COL5A2: variants seen among roughly 807,000 people sequenced by gnomAD.
COL5A2 encodes the protein collagen type V alpha 2 chain.
Under a neutral mutation model 208.2 loss-of-function variants are expected in COL5A2, and 23 were observed. That is an observed-to-expected ratio of 0.11 (90% CI 0.08 to 0.16). COL5A2 has a LOEUF of 0.16. Among genes scored for constraint, COL5A2 ranks in the 10% least tolerant of loss-of-function variants. COL5A2 has a pLI of 1.00. For synonymous variants in COL5A2, 625 were observed against 628.5 expected, an observed-to-expected ratio of 0.99 and a Z score of 0.08; for missense variants, 1,590 against 1,956.4, an observed-to-expected ratio of 0.81 and a Z score of 3.53.
chr2:189,073,021 T>C (rs1686311748), intron 17 of COL5A2, among the ~76,000 whole-genome samples: 1 of 152,150 alleles, frequency 6.6e-6, no homozygotes, highest in Non-Finnish European at 1.5e-5. Context: ...ACATATTTTT[T>C]CATCCTATGT....
At chr2:189,067,068 T>C (rs11685847) in intron 21 of COL5A2, among the ~76,000 whole-genome samples, 1 of 152,194 alleles carries the variant, frequency 6.6e-6, no homozygotes, top group Non-Finnish European at 1.5e-5. Context: ...AATAGAATTA[T>C]TGAGTTATTA....
rs1346166385 is a variant in COL5A2, at chr2:189,063,180, C to G, written c.1861G>C (p.Gly621Arg). Residue 621 changes from glycine (G) to arginine (R), a missense_variant, in exon 27 of 54, where the codon GGT becomes CGT. Physicochemically the swap from Gly to Arg is moderately radical, Grantham distance 125 (BLOSUM62 -2). Transcript: ENST00000374866. ...PGSMGLPGPK[G>R]SSGDPGKPGE... Reference sequence around the variant, plus strand: ...TTATACACTGTACTCACACTGCTACCTTTGGGGCCTGGAAGGCCCATGCTC... The same window carrying G: ...TTATACACTGTACTCACACTGCTACGTTTGGGGCCTGGAAGGCCCATGCTC... The G allele has an allele frequency of 6.2e-7, 1 of 1,613,988 alleles. No individual in the cohort carries two copies. Among genetic ancestry groups the G allele is most frequent in the Non-Finnish European group, 8.5e-7 (1 of 1,179,990 alleles).
chr2:189,361,786 T>A, the COL5A2 span, among the ~76,000 whole-genome samples: 1 of 152,062 alleles, frequency 6.6e-6, no homozygotes, highest in East Asian at 1.9e-4. Flanking sequence ...TTATAGGTAT[T>A]TGCTTCGTGG....
chr2:189,298,419 C>A, the COL5A2 span, among the ~76,000 whole-genome samples: 26 of 152,162 alleles, frequency 1.7e-4, no homozygotes, highest in African/African-American at 6.3e-4. Flanking sequence ...CCAATTCCAT[C>A]TCCCTCCCAT....
chr2:189,122,495 G>A (rs910868133), intron 1 of COL5A2, among the ~76,000 whole-genome samples: 15 of 152,160 alleles, frequency 9.9e-5, no homozygotes, highest in African/African-American at 3.4e-4. Flanking sequence ...CTTGGTACAT[G>A]TGATACCTCT....
chr2:189,077,973 C>A (rs1686447936), intron 16 of COL5A2, among the ~76,000 whole-genome samples: 1 of 152,156 alleles, frequency 6.6e-6, no homozygotes, highest in South Asian at 2.1e-4. Context: ...TAGAATATGC[C>A]TCCTATACAG....
chr2:189,172,032 C>G (rs189536593), intron 1 of COL5A2, among the ~76,000 whole-genome samples: 4 of 152,114 alleles, frequency 2.6e-5, no homozygotes, highest in Non-Finnish European at 5.9e-5. Flanking sequence ...GAAAAGGGAC[C>G]CTTGGAATAT....
the COL5A2 span, among the ~76,000 whole-genome samples, chr2:189,440,863 G>C: frequency 6.6e-6 from 1 of 152,160 alleles, no homozygotes; most frequent in Non-Finnish European, 1.5e-5. Flanking sequence ...TGAACGCTGC[G>C]GAAGATGCAC....
chr2:189,041,168 A>T (rs1158426232), intron 50 of COL5A2, among the ~76,000 whole-genome samples: 7 of 152,202 alleles, frequency 4.6e-5, no homozygotes. Context: ...TTTTAATCAA[A>T]GTCCTCCCTG....
chr2:189,343,646 G>A, the COL5A2 span, among the ~76,000 whole-genome samples: 2 of 152,076 alleles, frequency 1.3e-5, no homozygotes, highest in Non-Finnish European at 2.9e-5. Flanking sequence ...ATTAGACAAA[G>A]CTAGTGGTTA....
At chr2:189,219,521 G>A (rs1339540597) in intron 1 of COL5A2, among the ~76,000 whole-genome samples, 1 of 152,060 alleles carries the variant, frequency 6.6e-6, no homozygotes, top group East Asian at 1.9e-4. Context: ...CTTTATGTAA[G>A]GGTGGAAACT....
intron 1 of COL5A2, among the ~76,000 whole-genome samples, chr2:189,115,903 C>A (rs1158847141): frequency 6.6e-6 from 1 of 152,164 alleles, no homozygotes; most frequent in Non-Finnish European, 1.5e-5. Flanking sequence ...CTCTTAGGAA[C>A]CCTTTTTTGA....
the COL5A2 span, among the ~76,000 whole-genome samples, chr2:189,419,177 T>A: frequency 2.0e-5 from 3 of 152,300 alleles, no homozygotes; most frequent in African/African-American, 7.2e-5. Context: ...ATGTCCCTTA[T>A]ATTGACTTTT....
the COL5A2 span, among the ~76,000 whole-genome samples, chr2:189,367,290 A>C: frequency 6.6e-6 from 1 of 151,996 alleles, no homozygotes; most frequent in Admixed American, 6.6e-5. Flanking sequence ...GTTCTCAGAA[A>C]CCCCTCTGCC....
intron 1 of COL5A2, among the ~76,000 whole-genome samples, chr2:189,220,511 T>G (rs1469512078): frequency 6.6e-6 from 1 of 151,862 alleles, no homozygotes; most frequent in Admixed American, 6.6e-5. Context: ...TTCCATGGTT[T>G]GAACATGCCA....
At chr2:189,206,172 G>C (rs1326299131) in intron 1 of COL5A2, among the ~76,000 whole-genome samples, 2 of 152,182 alleles carry the variant, frequency 1.3e-5, no homozygotes, top group East Asian at 1.9e-4. Flanking sequence ...CTATGTCAAA[G>C]CTGGGAAGTG....
chr2:189,312,278 C>T, the COL5A2 span, among the ~76,000 whole-genome samples: 63 of 152,268 alleles, frequency 4.1e-4, 1 homozygote, highest in African/African-American at 1.2e-3. Context: ...GGTGGTCGTT[C>T]AGGCTTTGCA....
intron 7 of COL5A2, among the ~76,000 whole-genome samples, chr2:189,089,726 T>C (rs1686742049): frequency 6.6e-6 from 1 of 152,314 alleles, no homozygotes; most frequent in East Asian, 1.9e-4. Flanking sequence ...TACTTTAATA[T>C]TATTATTGTT....
At chr2:189,183,194 T>G (rs1688805417), upstream of COL5A2, among the ~76,000 whole-genome samples, 1 of 152,272 alleles carries the variant, frequency 6.6e-6, no homozygotes, top group African/African-American at 2.4e-5. Flanking sequence ...CCCAAAGATC[T>G]TTCTTCTTTC....
Sources: allele counts gnomAD v4.1 joint callset (sites outside exome capture counted in the v4.1 genomes callset), GRCh38; gene constraint gnomAD v4.1.1; transcripts MANE v1.5; gene names NCBI Gene and HGNC (gene_info 2026-07-23, HGNC 2026-07-21).